The following DNAJC15 variants were observed in gnomAD, a reference collection of about 807,000 sequenced individuals.
DNAJC15 encodes the protein dnaJ homolog subfamily C member 15.
In DNAJC15, 27 loss-of-function variants were observed where a neutral mutation model predicts 22.4. The observed-to-expected ratio is 1.20, with a 90% CI of 0.89 to 1.66. DNAJC15 has a LOEUF of 1.66. DNAJC15 is among the 40% of genes most tolerant of loss of function. DNAJC15 has a pLI of 0.00. For missense variants in DNAJC15, 208 were observed against 187.1 expected, an observed-to-expected ratio of 1.11 and a Z score of -0.65; for synonymous variants, 79 against 63.2, an observed-to-expected ratio of 1.25 and a Z score of -1.19.
chr13:43,026,072 G>GTATTA, intron 1 of DNAJC15, among the ~76,000 whole-genome samples: 1 of 152,224 alleles, frequency 6.6e-6, no homozygotes, highest in East Asian at 1.9e-4. Context: ...TTTATCAAAT[G>GTATTA]TATTATATTG....
intron 5 of DNAJC15, among the ~76,000 whole-genome samples, chr13:43,097,599 C>T (rs1226942620): frequency 6.6e-6 from 1 of 151,962 alleles, no homozygotes; most frequent in African/African-American, 2.4e-5. Flanking sequence ...GAGAATGATA[C>T]TGTTTTGGAT....
In DNAJC15 at chr13:43,104,081, C is replaced by A. The variant is rs115805782; in HGVS notation, c.383-3097C>A. ...ATAATTTATATAGAATAAAATGCAC[C>A]CATTTAAACGCACAATTTGACAAGT... On this transcript the variant is annotated intron_variant, in intron 5 of 5. Coordinates refer to ENST00000379221, the MANE Select transcript of DNAJC15 (RefSeq NM_013238.3). Among the ~76,000 whole-genome samples, 681 of 151,828 alleles carry A rather than the reference C, an allele frequency of 4.5e-3. 7 individuals are homozygous for A. The highest frequency in any genetic ancestry group is 0.015 in the African/African-American group (629 of 41,356).
chr13:43,103,148 C>G (rs1461096293), intron 5 of DNAJC15, among the ~76,000 whole-genome samples: 1 of 152,128 alleles, frequency 6.6e-6, no homozygotes, highest in African/African-American at 2.4e-5. Flanking sequence ...TTCCTTGACG[C>G]ATGAGTTATT....
chr13:43,079,573 C>T (rs2040652230), intron 4 of DNAJC15, among the ~76,000 whole-genome samples: 1 of 152,056 alleles, frequency 6.6e-6, no homozygotes, highest in Admixed American at 6.5e-5. Context: ...TGATTTTAAG[C>T]ATGAGGGTCA....
rs2040822123 is a variant in DNAJC15, at chr13:43,110,976, A to G, written c.*3728A>G. On this transcript the variant is annotated 3_prime_UTR_variant, in exon 6 of 6. Coordinates refer to ENST00000379221, the MANE Select transcript of DNAJC15 (RefSeq NM_013238.3). ...TCTGTTGATATTGCAGTTTCTGTGC[A>G]TACTTACATCTTAGATGCAATCTGA... 1 of 152,256 alleles carries G rather than the reference A, an allele frequency of 6.6e-6. No homozygotes were observed. The allele number at this position is 152,256 out of a possible 1,614,324, so 9.4% of individuals were successfully genotyped here.
chr13:43,071,750 C>T (rs933426226), intron 3 of DNAJC15, among the ~76,000 whole-genome samples: 1 of 152,262 alleles, frequency 6.6e-6, no homozygotes, highest in Middle Eastern at 3.4e-3. Context: ...GTCCAAGGCT[C>T]AAGTTTCAAC....
chr13:43,067,392 G>GAAGAATATC (rs1175724720), intron 2 of DNAJC15, among the ~76,000 whole-genome samples: 2 of 152,108 alleles, frequency 1.3e-5, no homozygotes, highest in Non-Finnish European at 2.9e-5. Flanking sequence ...GGTTTTATGA[G>GAAGAATATC]AAGAATATCA....
At chr13:43,050,086 T>G (rs1037815295) in intron 1 of DNAJC15, among the ~76,000 whole-genome samples, 3 of 151,940 alleles carry the variant, frequency 2.0e-5, no homozygotes, top group African/African-American at 7.2e-5. Context: ...ACCTGGCTAA[T>G]TTTTTGTATT....
At chr13:43,063,540 TTA>T (rs2040569339) in intron 1 of DNAJC15, among the ~76,000 whole-genome samples, 1 of 152,246 alleles carries the variant, frequency 6.6e-6, no homozygotes, top group East Asian at 1.9e-4. Flanking sequence ...GTTGTTATTG[TTA>T]GTATTCTCTG....
intron 1 of DNAJC15, among the ~76,000 whole-genome samples, chr13:43,045,944 G>A (rs2040475339): frequency 6.6e-6 from 1 of 152,142 alleles, no homozygotes; most frequent in African/African-American, 2.4e-5. Flanking sequence ...GATTTTGTCT[G>A]ATATATCCCT....
chr13:43,070,835 A>G (rs1191943875), intron 3 of DNAJC15, among the ~76,000 whole-genome samples: 1 of 150,710 alleles, frequency 6.6e-6, no homozygotes. Flanking sequence ...CATGGAGGCA[A>G]TGTGATTTGT....
chr13:43,047,445 G>C (rs1021534791), intron 1 of DNAJC15, among the ~76,000 whole-genome samples: 4 of 152,000 alleles, frequency 2.6e-5, no homozygotes, highest in Admixed American at 1.3e-4. Context: ...GATTTCCCAG[G>C]AGTAAAGCAG....
intron 1 of DNAJC15, among the ~76,000 whole-genome samples, chr13:43,056,768 T>G (rs900090689): frequency 6.6e-6 from 1 of 152,244 alleles, no homozygotes; most frequent in Non-Finnish European, 1.5e-5. Flanking sequence ...ATAATGTCCC[T>G]CTTTGTGTTT....
rs542141726 is a variant in DNAJC15, at chr13:43,107,793, TAAAG to T, written c.*548_*551del. 3.3e-5 allele frequency: 5 copies of T among 152,270 alleles called. No homozygotes were observed. The East Asian group carries it at 9.6e-4, about 29-fold the overall frequency. 9.4% of individuals were successfully genotyped at this position (152,270 alleles called of 1,614,324 possible). A position where few individuals can be genotyped will look rare whatever the true frequency, so the allele number is the denominator to read the frequency against. On this transcript the variant is annotated 3_prime_UTR_variant, in exon 6 of 6. Coordinates refer to ENST00000379221, the MANE Select transcript of DNAJC15 (RefSeq NM_013238.3). Reference sequence around the variant, plus strand: ...AGTAAAGTAGGGGTTAAGGACTTGTTAAAGAACCCCACTATCTCTGAGACCCTAT... The same window carrying T: ...AGTAAAGTAGGGGTTAAGGACTTGTTAACCCCACTATCTCTGAGACCCTAT...
At chr13:43,102,192 C>T (rs2040772565) in intron 5 of DNAJC15, among the ~76,000 whole-genome samples, 1 of 152,042 alleles carries the variant, frequency 6.6e-6, no homozygotes. Flanking sequence ...TGATATTGAG[C>T]ATTTTTTTAA....
intron 1 of DNAJC15, among the ~76,000 whole-genome samples, chr13:43,060,195 C>T (rs1317731096): frequency 2.6e-5 from 4 of 151,942 alleles, no homozygotes; most frequent in Non-Finnish European, 4.4e-5. Context: ...AGATAATGGG[C>T]GATGTTTCTC....
chr13:43,026,138 G>A (rs534734442), intron 1 of DNAJC15, among the ~76,000 whole-genome samples: 3 of 152,232 alleles, frequency 2.0e-5, no homozygotes, highest in East Asian at 3.9e-4. Context: ...CTCCTAAATG[G>A]TGAACAATTT....
intron 1 of DNAJC15, among the ~76,000 whole-genome samples, chr13:43,053,806 G>A (rs961435462): frequency 6.6e-6 from 1 of 152,214 alleles, no homozygotes; most frequent in African/African-American, 2.4e-5. Flanking sequence ...AATTCTAGGA[G>A]ATGTTTGAAG....
intron 1 of DNAJC15, among the ~76,000 whole-genome samples, chr13:43,057,577 C>T (rs544784737): frequency 6.6e-6 from 1 of 152,220 alleles, no homozygotes; most frequent in South Asian, 2.1e-4. Flanking sequence ...TAATAATCGA[C>T]CTTCTGAAAT....
Sources: allele counts gnomAD v4.1 joint callset (sites outside exome capture counted in the v4.1 genomes callset), GRCh38; gene constraint gnomAD v4.1.1; transcripts MANE v1.5; gene names NCBI Gene and HGNC (gene_info 2026-07-23, HGNC 2026-07-21).